The following ADAMTS18 variants were observed in gnomAD, a reference collection of about 807,000 sequenced individuals.
ADAMTS18 encodes the protein ADAM metallopeptidase with thrombospondin type 1 motif 18.
In ADAMTS18, 157 loss-of-function variants were observed where a neutral mutation model predicts 165.9. That is an observed-to-expected ratio of 0.95 (90% CI 0.83 to 1.08). The LOEUF (loss-of-function observed/expected upper bound fraction) is 1.08. Ranked by LOEUF, ADAMTS18 falls within the 50% of genes least tolerant of loss-of-function variation. The pLI is 0.00. For missense variants in ADAMTS18, 2,040 were observed against 1,534.0 expected (o/e 1.33, Z -5.51); for synonymous variants, 782 against 578.2 (o/e 1.35, Z -5.06).
intron 12 of ADAMTS18, among the ~76,000 whole-genome samples, chr16:77,326,972 T>G (rs1352058915): frequency 6.6e-6 from 1 of 152,232 alleles, no homozygotes; most frequent in Non-Finnish European, 1.5e-5. Context: ...CCCGCCTTAG[T>G]TGGCTTACAA....
At chr16:77,312,930 A>G (rs990080854) in intron 16 of ADAMTS18, among the ~76,000 whole-genome samples, 1 of 152,160 alleles carries the variant, frequency 6.6e-6, no homozygotes, top group African/African-American at 2.4e-5. Context: ...TTGACCCCGC[A>G]ATCCCATTAC....
chr16:77,359,169 T>A, intron 8 of ADAMTS18, 149 bp downstream of exon 8: 1 of 730,552 alleles, frequency 1.4e-6, no homozygotes, highest in Non-Finnish European at 2.4e-6. Flanking sequence ...TAGCCTTTAG[T>A]GAGCCCTTTG....
intron 16 of ADAMTS18, among the ~76,000 whole-genome samples, chr16:77,312,669 G>A (rs914027037): frequency 2.6e-5 from 4 of 152,154 alleles, no homozygotes; most frequent in Non-Finnish European, 1.5e-5. Flanking sequence ...AATAAAGTAC[G>A]AATATGCAGC....
intron 3 of ADAMTS18, among the ~76,000 whole-genome samples, chr16:77,394,864 G>C (rs1302710494): frequency 2.6e-5 from 4 of 152,196 alleles, no homozygotes; most frequent in Non-Finnish European, 5.9e-5. Context: ...CCATGGGTGA[G>C]CCAACTGGGC....
intron 12 of ADAMTS18, among the ~76,000 whole-genome samples, chr16:77,333,250 C>G (rs114796892): frequency 6.6e-6 from 1 of 151,868 alleles, no homozygotes; most frequent in African/African-American, 2.4e-5. Flanking sequence ...TGTTACTAAC[C>G]GGAGGGAAGA....
chr16:77,319,740 G>T, intron 16 of ADAMTS18, 109 bp downstream of exon 16: 1 of 1,570,084 alleles, frequency 6.4e-7, no homozygotes, highest in Non-Finnish European at 8.7e-7. Flanking sequence ...ACCATGCCCG[G>T]CCAGGAAACA....
rs150591899 is a variant in ADAMTS18, at chr16:77,367,555, G to T, written c.664C>A (p.Arg222=). The part of the protein sequence containing the change: ...QRYRGYPGSG[R]NYPGYSPSHI... ...CTTGGGGAGTAACCAGGATAATTCCGGCCAGAGCCGGGGTAGCCACGGTAC... is the reference window on the plus strand; with the variant it reads ...CTTGGGGAGTAACCAGGATAATTCCTGCCAGAGCCGGGGTAGCCACGGTAC... Residue 222 remains arginine (R), a synonymous_variant, in exon 4 of 23, where the codon CGG becomes AGG. Transcript: ENST00000282849. 131 of 1,614,176 alleles carry T rather than the reference G, an allele frequency of 8.1e-5. No individual in the cohort carries two copies. Among genetic ancestry groups the T allele is most frequent in the Non-Finnish European group, 1.1e-4 (125 of 1,180,034 alleles).
At chr16:77,426,789 G>A (rs896599441) in intron 3 of ADAMTS18, among the ~76,000 whole-genome samples, 31 of 152,180 alleles carry the variant, frequency 2.0e-4, no homozygotes, top group Non-Finnish European at 3.2e-4. Flanking sequence ...TTGGGAGGCT[G>A]AGGCAGGAAG....
intron 17 of ADAMTS18, 71 bp from the exon 18 acceptor site, chr16:77,297,486 T>A: frequency 6.9e-7 from 1 of 1,456,388 alleles, no homozygotes; most frequent in Non-Finnish European, 9.6e-7. Context: ...AAGTTTAGCT[T>A]CTGATTTACC....
At chr16:77,331,803 A>G (rs1473113754) in intron 12 of ADAMTS18, among the ~76,000 whole-genome samples, 1 of 152,190 alleles carries the variant, frequency 6.6e-6, no homozygotes, top group Admixed American at 6.5e-5. Flanking sequence ...TGACATTGAA[A>G]AGCTCTATTT....
chr16:77,341,905 G>C (rs905201468), intron 10 of ADAMTS18, 106 bp from the exon 11 acceptor site: 2 of 912,702 alleles, frequency 2.2e-6, no homozygotes, highest in Admixed American at 2.2e-5. Flanking sequence ...GCTGAAATCA[G>C]AGCAATTATT....
chr16:77,335,874 C>G lies in ADAMTS18; in HGVS notation c.1741G>C (p.Gly581Arg). The G allele has an allele frequency of 6.2e-7, 1 of 1,614,186 alleles. No individual in the cohort carries two copies. The highest frequency in any genetic ancestry group is 8.5e-7 in the Non-Finnish European group (1 of 1,180,028). Residue 581 changes from glycine (G) to arginine (R), a missense_variant, in exon 12 of 23, where the codon GGG becomes CGG. Gly to Arg is a moderately radical substitution (Grantham distance 125). Coordinates refer to ENST00000282849, the MANE Select transcript of ADAMTS18 (RefSeq NM_199355.4). ...TGGATGGGCCGGGGCCCGAGCTCCCCAAACTTTACGCACTGGCCTTGCCGA... is the reference window on the plus strand; with the variant it reads ...TGGATGGGCCGGGGCCCGAGCTCCCGAAACTTTACGCACTGGCCTTGCCGA... ...WCRQGQCVKFGELGPRPIHGQ... is the reference protein window; with the variant it reads ...WCRQGQCVKFRELGPRPIHGQ...
intron 1 of ADAMTS18, 29 bp from the exon 2 acceptor site, chr16:77,434,534 G>A: frequency 1.9e-6 from 3 of 1,539,614 alleles, no homozygotes; most frequent in Non-Finnish European, 2.6e-6. Context: ...CATCGCGCGT[G>A]AGGGGCGCGG....
At chr16:77,413,008 T>A (rs2057484910) in intron 3 of ADAMTS18, among the ~76,000 whole-genome samples, 1 of 152,082 alleles carries the variant, frequency 6.6e-6, no homozygotes, top group Non-Finnish European at 1.5e-5. Flanking sequence ...TTATAATGCA[T>A]TTCTTTACAC....
At chr16:77,331,448 C>T (rs1449272088) in intron 12 of ADAMTS18, among the ~76,000 whole-genome samples, 1 of 152,102 alleles carries the variant, frequency 6.6e-6, no homozygotes, top group Non-Finnish European at 1.5e-5. Context: ...AATAACTACC[C>T]TCCTGCTTAA....
Position 77,431,454 on chromosome 16 carries a change from A to C in ADAMTS18, c.336T>G (p.Leu112=). ...SAFGQELHLE[L]KPSAILSSHF... is the part of the protein sequence containing the mutation. ...GACTGCTCAAAATCGCCGAGGGCTT[A>C]AGTTCTAAGTGCAGTTCCTGTCCAA... The change falls in exon 3 of 23, where the codon CTT becomes CTG. Residue 112 remains leucine, a synonymous_variant. Coordinates refer to ENST00000282849, the MANE Select transcript of ADAMTS18 (RefSeq NM_199355.4). 6.2e-7 allele frequency: 1 copy of C among 1,614,198 alleles called. No individual in the cohort carries two copies. The highest frequency in any genetic ancestry group is 1.6e-4 in the Middle Eastern group (1 of 6,062).
At chr16:77,407,054 A>C (rs947835086) in intron 3 of ADAMTS18, among the ~76,000 whole-genome samples, 2 of 152,098 alleles carry the variant, frequency 1.3e-5, no homozygotes, top group African/African-American at 4.8e-5. Flanking sequence ...CAAAACACTC[A>C]TGTAACAAAC....
At chr16:77,375,694 G>A (rs1441243683) in intron 3 of ADAMTS18, among the ~76,000 whole-genome samples, 1 of 152,130 alleles carries the variant, frequency 6.6e-6, no homozygotes, top group Non-Finnish European at 1.5e-5. Flanking sequence ...ATAAAGGACA[G>A]GAAAGGCCTG....
chr16:77,310,847 C>G (rs1028872314), intron 16 of ADAMTS18, among the ~76,000 whole-genome samples: 1 of 152,078 alleles, frequency 6.6e-6, no homozygotes, highest in Non-Finnish European at 1.5e-5. Flanking sequence ...AGGCTGGTCT[C>G]AAACACCCAT....
Sources: allele counts gnomAD v4.1 joint callset (sites outside exome capture counted in the v4.1 genomes callset), GRCh38; gene constraint gnomAD v4.1.1; transcripts MANE v1.5; gene names NCBI Gene and HGNC (gene_info 2026-07-23, HGNC 2026-07-21).